CERKL: variants seen among roughly 807,000 people sequenced by gnomAD.
The protein encoded by CERKL is ceramide kinase-like protein.
In CERKL, 61 loss-of-function variants were observed where a neutral mutation model predicts 63.4. The ratio of observed to expected loss-of-function variants is 0.96; its 90% CI spans 0.78 to 1.19. The LOEUF (loss-of-function observed/expected upper bound fraction) is 1.19. Ranked by LOEUF, CERKL falls within the 50% of genes most tolerant of loss-of-function variation. The probability of loss-of-function intolerance (pLI) is 0.00; values close to 1 mark genes in which losing one functional copy is unlikely to be tolerated. For synonymous variants in CERKL, 250 were observed against 230.5 expected, an observed-to-expected ratio of 1.08 and a Z score of -0.77; for missense variants, 675 against 655.5, an observed-to-expected ratio of 1.03 and a Z score of -0.33.
At chr2:181,628,276 C>T (rs1686798719) in intron 1 of CERKL, among the ~76,000 whole-genome samples, 2 of 152,244 alleles carry the variant, frequency 1.3e-5, no homozygotes, top group East Asian at 1.9e-4. Context: ...TCAAATTGAC[C>T]TCCAGATAAT....
At chr2:181,563,496 C>T (rs1688530548) in intron 4 of CERKL, among the ~76,000 whole-genome samples, 1 of 152,126 alleles carries the variant, frequency 6.6e-6, no homozygotes, top group Non-Finnish European at 1.5e-5. Flanking sequence ...TTCCTAATCA[C>T]TCCCTATTAA....
intron 1 of CERKL, among the ~76,000 whole-genome samples, chr2:181,618,474 T>C (rs1454345099): frequency 1.3e-5 from 2 of 152,024 alleles, no homozygotes; most frequent in African/African-American, 4.8e-5. Context: ...TAGAGTCCAG[T>C]GGCGCAATCT....
intron 1 of CERKL, 97 bp from the exon 2 acceptor site, chr2:181,604,176 G>T: frequency 3.0e-6 from 3 of 991,306 alleles, no homozygotes; most frequent in Admixed American, 2.2e-5. Context: ...GTGAGCAAAG[G>T]GAGAGGATCA....
In CERKL at chr2:181,650,372, G is replaced by A. The variant is rs1046762431; in HGVS notation, c.238+6397C>T. On this transcript the variant is annotated intron_variant, in intron 1 of 12. Transcript: ENST00000410087. Reference sequence around the variant, plus strand: ...AACATAGCACAAGCAGTTTTAAGAGGTAAGTTTATAGTATTAAATGCCCAT... The same window carrying A: ...AACATAGCACAAGCAGTTTTAAGAGATAAGTTTATAGTATTAAATGCCCAT... Among the ~76,000 whole-genome samples, 8 of 152,124 alleles carry A rather than the reference G, an allele frequency of 5.3e-5. No individual in the cohort carries two copies. In the East Asian group the frequency reaches 5.8e-4, roughly 11 times the overall value.
At chr2:181,546,561 A>G (rs1208888878) in intron 10 of CERKL, among the ~76,000 whole-genome samples, 2 of 152,148 alleles carry the variant, frequency 1.3e-5, no homozygotes, top group African/African-American at 4.8e-5. Context: ...TCAATATCGA[A>G]GTTTGCAGTT....
In CERKL at chr2:181,558,492, C is replaced by T. The variant is rs946831250; in HGVS notation, c.820+74G>A. The T allele has an allele frequency of 2.7e-6, 4 of 1,473,256 alleles. No individual in the cohort carries two copies. In the African/African-American group the frequency reaches 4.2e-5, roughly 15 times the overall value. 91.3% of individuals were successfully genotyped at this position (1,473,256 alleles called of 1,614,324 possible). A position where few individuals can be genotyped will look rare whatever the true frequency, so the allele number is the denominator to read the frequency against. On this transcript the variant is annotated intron_variant, in intron 5 of 12. Transcript: ENST00000410087. The surrounding 1 kb of genome is among the most constrained non-coding windows in gnomAD (Gnocchi z 4.2). ...GTCTGTTCATTAATTCTGTGTTGTG[C>T]TGTCTAGATTAGCAAGTAAGAAAGG...
At chr2:181,635,385 A>G (rs996584291) in intron 1 of CERKL, among the ~76,000 whole-genome samples, 2 of 152,166 alleles carry the variant, frequency 1.3e-5, no homozygotes, top group Non-Finnish European at 2.9e-5. Flanking sequence ...AAAAACATAA[A>G]TCACATGACA....
chr2:181,643,306 A>G (rs1049573883), intron 1 of CERKL, among the ~76,000 whole-genome samples: 2 of 152,046 alleles, frequency 1.3e-5, no homozygotes, highest in African/African-American at 4.8e-5. Flanking sequence ...CATGTTAAAC[A>G]ACCTGTCCAA....
chr2:181,619,097 C>A (rs1355841594), intron 1 of CERKL, among the ~76,000 whole-genome samples: 1 of 105,154 alleles, frequency 9.5e-6, no homozygotes, highest in African/African-American at 6.6e-5. Flanking sequence ...ATGTGATTGG[C>A]TTTCATCATT....
At position 181,656,887 on chromosome 2, in the gene CERKL, C is replaced by T. The variant is rs1688194091; in HGVS notation, c.120G>A (p.Glu40=). The T allele has an allele frequency of 6.2e-7, 1 of 1,605,604 alleles. No individual in the cohort carries two copies. Among genetic ancestry groups the T allele is most frequent in the Non-Finnish European group, 8.5e-7 (1 of 1,175,218 alleles). Residue 40 remains glutamate, a synonymous_variant, in exon 1 of 13, where the codon GAG becomes GAA. Transcript: ENST00000410087. ...GGAGCAGAATCCGCTCGGCCGCCGC[C>T]TCCGTCTGCTGCGGGGACGTTAACA... is the stretch of plus-strand genomic sequence containing the variant. ...PALLTSPQQT[E]AAAERILLRG...
rs73028388 is a variant in CERKL, at chr2:181,565,575, T to C, written c.677+483A>G. ...AGATAATTAAAATTATTTCTTATTG[T>C]TTCTGGAAATAATGTATTTATTTAC... On this transcript the variant is annotated intron_variant, in intron 4 of 12. Transcript: ENST00000410087. The C allele has an allele frequency of 7.3e-4, 845 of 1,164,644 alleles. 5 individuals carry two copies. In the African/African-American group the frequency reaches 0.01, roughly 14 times the overall value. 72.1% of individuals were successfully genotyped at this position (1,164,644 alleles called of 1,614,324 possible).
intron 1 of CERKL, among the ~76,000 whole-genome samples, chr2:181,623,938 C>A (rs1043182047): frequency 9.2e-5 from 14 of 152,112 alleles, no homozygotes; most frequent in African/African-American, 3.4e-4. Context: ...ATTATATATA[C>A]CCCATTTTAG....
intron 8 of CERKL, 150 bp from the exon 9 acceptor site, chr2:181,547,997 G>A (rs1687811502): frequency 5.1e-6 from 3 of 590,028 alleles, no homozygotes; most frequent in Non-Finnish European, 7.9e-6. Flanking sequence ...AAGTAAAAAC[G>A]TACAATTTTG....
At chr2:181,654,680 C>A (rs1335058074) in intron 1 of CERKL, among the ~76,000 whole-genome samples, 1 of 152,186 alleles carries the variant, frequency 6.6e-6, no homozygotes, top group Non-Finnish European at 1.5e-5. Context: ...TCCATTTAAT[C>A]TTTTACCACT....
At chr2:181,656,712 C>T in intron 1 of CERKL, 57 bp downstream of exon 1, 1 of 1,423,948 alleles carries the variant, frequency 7.0e-7, no homozygotes. Flanking sequence ...AGGCCTTGGG[C>T]CGGGGAGAGG....
At chr2:181,603,172 T>G in intron 2 of CERKL, 1 of 221,556 alleles carries the variant, frequency 4.5e-6, no homozygotes, top group Non-Finnish European at 9.7e-6. Flanking sequence ...CATGGCCTCT[T>G]AAGATTATTC....
At chr2:181,631,373 T>C (rs534537034) in intron 1 of CERKL, among the ~76,000 whole-genome samples, 2 of 152,218 alleles carry the variant, frequency 1.3e-5, no homozygotes, top group Admixed American at 6.5e-5. Flanking sequence ...ACCTGGAAAG[T>C]TAAGAGTCAA....
intron 2 of CERKL, among the ~76,000 whole-genome samples, chr2:181,579,791 A>AT (rs1279214669): frequency 6.6e-6 from 1 of 151,802 alleles, no homozygotes; most frequent in Non-Finnish European, 1.5e-5. Flanking sequence ...TTTGACTTTC[A>AT]TTTTTTCCAG....
chr2:181,561,598 CAGGAGAAATTTGCAT>C (rs1559078549), intron 4 of CERKL, among the ~76,000 whole-genome samples: 5 of 152,132 alleles, frequency 3.3e-5, no homozygotes, highest in Non-Finnish European at 7.4e-5. Context: ...CTATCATTTG[CAGGAGAAATTTGCAT>C]TCTATAGAGA....
Sources: gnomAD v4.1 joint callset for allele counts (sites outside exome capture counted in the v4.1 genomes callset) on GRCh38, gnomAD v4.1.1 for gene constraint, Gnocchi (gnomAD v3.1) non-coding constraint, MANE v1.5 for transcripts, NCBI Gene and HGNC (gene_info 2026-07-23, HGNC 2026-07-21) for gene names.